RGL1: variants seen among roughly 807,000 people sequenced by gnomAD.
RGL1 encodes the protein ral guanine nucleotide dissociation stimulator-like 1.
RGL1 carries 24 observed loss-of-function variants against 95.2 expected under a neutral mutation model. The ratio of observed to expected loss-of-function variants is 0.25; its 90% confidence interval spans 0.18 to 0.35. The LOEUF (loss-of-function observed/expected upper bound fraction) is 0.35, where lower values mean the gene tolerates loss of function less well. Among genes scored for constraint, RGL1 ranks in the 10% least tolerant of loss-of-function variants. RGL1 has a pLI of 1.00. For synonymous variants in RGL1, 329 were observed against 344.9 expected, an observed-to-expected ratio of 0.95 and a Z score of 0.51; for missense variants, 715 against 936.3, an observed-to-expected ratio of 0.76 and a Z score of 3.08.
chr1:183,837,185 C>T (rs555114729), intron 2 of RGL1, among the ~76,000 whole-genome samples: 6 of 152,002 alleles, frequency 3.9e-5, no homozygotes, highest in Non-Finnish European at 5.9e-5. Flanking sequence ...GATAAAGCCC[C>T]ATGGAGCTGT....
chr1:183,840,560 C>G (rs1206425554), intron 2 of RGL1, among the ~76,000 whole-genome samples: 1 of 152,034 alleles, frequency 6.6e-6, no homozygotes, highest in Non-Finnish European at 1.5e-5. Context: ...AACTCTCATT[C>G]ATTATGTGAA....
In RGL1 at chr1:183,886,894, C is replaced by A. The variant is rs377606850; in HGVS notation, c.952-1580C>A. 5.5e-4 allele frequency among the ~76,000 whole-genome samples: 83 copies of A among 152,048 alleles called. 1 individual carries two copies. The highest frequency in any genetic ancestry group is 1.9e-3 in the African/African-American group (80 of 41,404). On this transcript the variant is annotated intron_variant, in intron 7 of 17. Transcript: ENST00000360851. ...GTATGTTTTTACTTTTGCATCACATCTCCTGGAAGATGCCTCTTTTTCTAG... is the reference window on the plus strand; with the variant it reads ...GTATGTTTTTACTTTTGCATCACATATCCTGGAAGATGCCTCTTTTTCTAG...
chr1:183,784,835 G>A (rs556855164), intron 2 of RGL1, among the ~76,000 whole-genome samples: 1 of 152,314 alleles, frequency 6.6e-6, no homozygotes, highest in Admixed American at 6.5e-5. Context: ...AGTTAAGTGA[G>A]TCCTCACCTG....
intron 17 of RGL1, among the ~76,000 whole-genome samples, 195 bp downstream of exon 17, chr1:183,922,531 C>T (rs1170749039): frequency 2.0e-5 from 3 of 152,234 alleles, no homozygotes; most frequent in Non-Finnish European, 2.9e-5. Context: ...AAACCGCTCT[C>T]CGATTCCCCA....
At chr1:183,818,133 AG>A (rs1249587926) in intron 2 of RGL1, among the ~76,000 whole-genome samples, 1 of 152,230 alleles carries the variant, frequency 6.6e-6, no homozygotes, top group Non-Finnish European at 1.5e-5. Flanking sequence ...TGATGACAGC[AG>A]CTCTGATTTC....
chr1:183,654,976 A>G (rs962779200), intron 1 of RGL1, among the ~76,000 whole-genome samples: 4 of 152,222 alleles, frequency 2.6e-5, no homozygotes, highest in Admixed American at 2.0e-4. Context: ...TCCTGTTCAC[A>G]GTGAAATTGA....
intron 2 of RGL1, among the ~76,000 whole-genome samples, chr1:183,761,678 G>A (rs1178234348): frequency 1.3e-5 from 2 of 152,182 alleles, no homozygotes; most frequent in Admixed American, 1.3e-4. Context: ...CTTCTTTGAA[G>A]CTTTGAAGTC....
chr1:183,871,159 A>G (rs781642473), intron 4 of RGL1, among the ~76,000 whole-genome samples: 2 of 152,230 alleles, frequency 1.3e-5, no homozygotes, highest in Non-Finnish European at 2.9e-5. Context: ...TGGACTTTTG[A>G]GAGTACGGTA....
At chr1:183,756,421 T>C (rs1348981082) in intron 2 of RGL1, among the ~76,000 whole-genome samples, 1 of 152,144 alleles carries the variant, frequency 6.6e-6, no homozygotes, top group African/African-American at 2.4e-5. Flanking sequence ...TGGCAAGAGA[T>C]GAAGCCAAGA....
At chr1:183,820,468 C>T (rs1039924656) in intron 2 of RGL1, among the ~76,000 whole-genome samples, 1 of 152,102 alleles carries the variant, frequency 6.6e-6, no homozygotes, top group Non-Finnish European at 1.5e-5. Flanking sequence ...GTGGGGCTTG[C>T]ATGAGGACCC....
Position 183,814,630 on chromosome 1 carries a change from T to G in RGL1, c.138+8145T>G, listed in dbSNP as rs563275882. On this transcript the variant is annotated intron_variant, in intron 2 of 17. Coordinates refer to ENST00000360851, the MANE Select transcript of RGL1 (RefSeq NM_001297671.3). ...CCTTGTTTCCTGCTGTTTTAAATAC[T>G]CATTTTCATCTTTTATAAAAATGAA... Among the ~76,000 whole-genome samples the G allele has an allele frequency of 1.7e-4, 26 of 152,316 alleles. 1 individual carries two copies. The South Asian group carries it at 5.4e-3, about 32-fold the overall frequency.
chr1:183,882,667 G>A (rs1666889541), intron 5 of RGL1, among the ~76,000 whole-genome samples: 2 of 152,108 alleles, frequency 1.3e-5, no homozygotes, highest in African/African-American at 4.8e-5. Flanking sequence ...AGGGTAAAGG[G>A]GCAATCCTCA....
At chr1:183,877,883 T>C (rs1417624281) in intron 4 of RGL1, among the ~76,000 whole-genome samples, 1 of 152,192 alleles carries the variant, frequency 6.6e-6, no homozygotes, top group East Asian at 1.9e-4. Flanking sequence ...TTTAGAACTC[T>C]CCTAGTTCTT....
intron 2 of RGL1, among the ~76,000 whole-genome samples, chr1:183,808,285 G>A (rs1661476842): frequency 6.6e-6 from 1 of 152,080 alleles, no homozygotes; most frequent in Non-Finnish European, 1.5e-5. Flanking sequence ...TTTATACAGA[G>A]TTCAGAGTTA....
At chr1:183,658,839 G>A (rs1247162197) in intron 1 of RGL1, among the ~76,000 whole-genome samples, 3 of 151,726 alleles carry the variant, frequency 2.0e-5, no homozygotes, top group Non-Finnish European at 4.4e-5. Flanking sequence ...ACCTCACAGG[G>A]CCGGGTACTC....
chr1:183,859,754 C>T (rs1360472068), intron 3 of RGL1, among the ~76,000 whole-genome samples: 3 of 152,178 alleles, frequency 2.0e-5, no homozygotes, highest in East Asian at 1.9e-4. Context: ...CCCTTCCTTT[C>T]CTGCAAGAGA....
chr1:183,751,954 T>C (rs1000782670), intron 2 of RGL1, among the ~76,000 whole-genome samples: 23 of 152,200 alleles, frequency 1.5e-4, no homozygotes, highest in African/African-American at 5.5e-4. Context: ...ACCTTCTGCA[T>C]TGGTCTTGTT....
At chr1:183,867,665 T>C (rs528103050) in intron 4 of RGL1, among the ~76,000 whole-genome samples, 5 of 151,868 alleles carry the variant, frequency 3.3e-5, no homozygotes, top group Admixed American at 2.0e-4. Flanking sequence ...AGATGGAAGA[T>C]ATTTTATGCT....
chr1:183,744,577 A>T (rs12031572), intron 2 of RGL1, among the ~76,000 whole-genome samples: 4,062 of 152,250 alleles, frequency 0.027, 67 homozygotes, highest in East Asian at 0.08. Context: ...TATCATTTTT[A>T]TGCATATTTC....
Sources: gnomAD v4.1 joint callset for allele counts (sites outside exome capture counted in the v4.1 genomes callset) on GRCh38, gnomAD v4.1.1 for gene constraint, MANE v1.5 for transcripts, NCBI Gene and HGNC (gene_info 2026-07-23, HGNC 2026-07-21) for gene names.